The following CCL26 variants were observed in gnomAD, a reference collection of about 807,000 sequenced individuals.
CCL26 encodes the protein C-C motif chemokine 26.
In CCL26, 10 loss-of-function variants were observed where a neutral mutation model predicts 10.7. That is an observed-to-expected ratio of 0.93 (90% CI 0.57 to 1.58). CCL26 has a LOEUF of 1.58. Among genes scored for constraint, CCL26 ranks in the 40% most tolerant of loss-of-function variants. The pLI is 0.00. For missense variants in CCL26, 116 were observed against 111.0 expected (o/e 1.05, Z -0.20); for synonymous variants, 43 against 41.4 (o/e 1.04, Z -0.15).
chr7:75,789,777 T>C (rs1803282836), exon 1 of CCL26: 1 of 152,154 alleles, frequency 6.6e-6, no homozygotes, highest in Non-Finnish European at 1.5e-5. Context: ...AGCTTGCTAG[T>C]GCTGCTCCAG....
At chr7:75,785,674 CA>C (rs1803168465) in intron 1 of CCL26, among the ~76,000 whole-genome samples, 1 of 152,294 alleles carries the variant, frequency 6.6e-6, no homozygotes, top group South Asian at 2.1e-4. Context: ...GCCATCCTAA[CA>C]AAACCTTTAC....
upstream of CCL26, among the ~76,000 whole-genome samples, chr7:75,774,798 T>C (rs558562631): frequency 2.0e-5 from 3 of 152,124 alleles, no homozygotes; most frequent in African/African-American, 7.2e-5. Flanking sequence ...TGTGCACCTG[T>C]AGGCCCAGCT....
In CCL26 at chr7:75,772,179, T is replaced by G. The variant is rs782401047; in HGVS notation, c.-3A>C. Reference sequence around the variant, plus strand: ...GAGGCCAAGGAGAGGCCCATCATGATGCTGCAAATCAGGCCCTTCTCAGGT... The same window carrying G: ...GAGGCCAAGGAGAGGCCCATCATGAGGCTGCAAATCAGGCCCTTCTCAGGT... On this transcript the variant is annotated 5_prime_UTR_variant, in exon 1 of 3. Coordinates refer to ENST00000005180, the MANE Select transcript of CCL26 (RefSeq NM_001371938.1). The G allele has an allele frequency of 1.3e-6, 2 of 1,550,110 alleles. No individual in the cohort carries two copies. The highest frequency in any genetic ancestry group is 1.7e-6 in the Non-Finnish European group (2 of 1,146,512).
chr7:75,779,188 C>T (rs1314373943), intron 1 of CCL26, among the ~76,000 whole-genome samples: 7 of 152,090 alleles, frequency 4.6e-5, no homozygotes, highest in African/African-American at 1.7e-4. Flanking sequence ...TAAAACAGCC[C>T]CACCCCTATC....
In CCL26 at chr7:75,769,631, C is replaced by T. The variant is rs575422207; in HGVS notation, c.*62G>A. 2.9e-5 allele frequency: 32 copies of T among 1,107,144 alleles called. No individual in the cohort carries two copies. The East Asian group carries it at 5.9e-4, about 20-fold the overall frequency. The allele number at this position is 1,107,144 out of a possible 1,614,324, so 68.6% of individuals were successfully genotyped here. A position where few individuals can be genotyped will look rare whatever the true frequency, so the allele number is the denominator to read the frequency against. ...GCCTTCAGAAAAGATTCCGCAGGCT[C>T]CCCAGAGGGCTGCAGAGCCAAGAGC... On this transcript the variant is annotated 3_prime_UTR_variant, in exon 3 of 3. Coordinates refer to ENST00000005180, the MANE Select transcript of CCL26 (RefSeq NM_001371938.1).
chr7:75,773,411 A>G (rs1354808714), upstream of CCL26, among the ~76,000 whole-genome samples: 1 of 150,766 alleles, frequency 6.6e-6, no homozygotes, highest in Non-Finnish European at 1.5e-5. Flanking sequence ...GCGACAGACC[A>G]AGACTGTCTC....
intron 1 of CCL26, among the ~76,000 whole-genome samples, chr7:75,778,005 G>A (rs1802979671): frequency 6.6e-6 from 1 of 151,982 alleles, no homozygotes; most frequent in South Asian, 2.1e-4. Context: ...CAGGCATGAG[G>A]CACCAACCCC....
At chr7:75,778,282 C>T (rs1162635343) in intron 1 of CCL26, among the ~76,000 whole-genome samples, 3 of 152,208 alleles carry the variant, frequency 2.0e-5, no homozygotes, top group Middle Eastern at 3.4e-3. Context: ...AGGGCAGTGG[C>T]ACGATCATAG....
intron 1 of CCL26, among the ~76,000 whole-genome samples, chr7:75,787,917 C>A (rs1554530205): frequency 1.3e-5 from 2 of 152,022 alleles, no homozygotes; most frequent in African/African-American, 4.8e-5. Context: ...GCATCCGGGC[C>A]TTCACCAATC....
rs55889737 is a variant in CCL26 at position 75,781,173 on chromosome 7, C to T, written c.-79+8544G>A. Among the ~76,000 whole-genome samples the T allele has an allele frequency of 1.0e-3, 157 of 152,318 alleles. 2 individuals are homozygous for T. The highest frequency in any genetic ancestry group is 3.4e-3 in the Middle Eastern group (1 of 294). On this transcript the variant is annotated intron_variant, in intron 1 of 3. Transcript: ENST00000394905. ...TACATTTTATTACCCAATCCACTCC[C>T]GACATTAAATAAAACTCCAAAAATT...
chr7:75,772,268 C>G, upstream of CCL26: 2 of 899,864 alleles, frequency 2.2e-6, no homozygotes, highest in Non-Finnish European at 3.5e-6. Context: ...AAAACAATTC[C>G]AGAGAATTCT....
At chr7:75,789,534 C>G (rs539180573) in intron 1 of CCL26, among the ~76,000 whole-genome samples, 3 of 151,428 alleles carry the variant, frequency 2.0e-5, no homozygotes, top group Non-Finnish European at 4.4e-5. Context: ...ATGTCAGACC[C>G]CAGCTGTTTT....
rs782364518 is a variant in CCL26, at chr7:75,769,689, T to C, written c.*4A>G. 7 of 1,594,420 alleles carry C rather than the reference T, an allele frequency of 4.4e-6. No individual in the cohort carries two copies. Among genetic ancestry groups the C allele is most frequent in the Non-Finnish European group, 3.4e-6 (4 of 1,162,164 alleles). On this transcript the variant is annotated 3_prime_UTR_variant, in exon 3 of 3. Transcript: ENST00000005180. Reference sequence around the variant, plus strand: ...AAGCGTCCTCGGATGAAAATTCAGCTGAGTCACAATTGTTTCGGAGTTTTC... The same window carrying C: ...AAGCGTCCTCGGATGAAAATTCAGCCGAGTCACAATTGTTTCGGAGTTTTC...
chr7:75,773,672 T>C (rs1223828624), upstream of CCL26, among the ~76,000 whole-genome samples: 1 of 150,700 alleles, frequency 6.6e-6, no homozygotes, highest in Admixed American at 6.6e-5. Flanking sequence ...GGTCAGGAGG[T>C]TGAGATCAGC....
At chr7:75,785,879 G>A (rs1457981436) in intron 1 of CCL26, among the ~76,000 whole-genome samples, 1 of 152,106 alleles carries the variant, frequency 6.6e-6, no homozygotes, top group East Asian at 1.9e-4. Context: ...GACCGGGACC[G>A]CGCCCTGTAG....
At chr7:75,789,636 C>T (rs1440832957) in intron 1 of CCL26, 1 of 139,182 alleles carries the variant, frequency 7.2e-6, no homozygotes, top group Non-Finnish European at 1.6e-5. Context: ...TTGCCCCCCT[C>T]CCCACCACCA....
intron 1 of CCL26, among the ~76,000 whole-genome samples, chr7:75,788,033 CT>C (rs1402776091): frequency 2.6e-5 from 4 of 152,092 alleles, no homozygotes; most frequent in Non-Finnish European, 5.9e-5. Context: ...CATGCCGCCC[CT>C]AATCCTTCTC....
At chr7:75,783,537 C>T (rs534454128) in intron 1 of CCL26, among the ~76,000 whole-genome samples, 24 of 152,240 alleles carry the variant, frequency 1.6e-4, no homozygotes, top group Admixed American at 1.2e-3. Flanking sequence ...CGGTGGCTCA[C>T]GCTTGTAATC....
At position 75,769,593 on chromosome 7, in the gene CCL26, G is replaced by T. The variant is rs1585007384; in HGVS notation, c.*100C>A. 1.0e-5 allele frequency: 7 copies of T among 681,654 alleles called. No homozygotes were observed. The East Asian group carries it at 1.8e-4, about 18-fold the overall frequency. 42.2% of individuals were successfully genotyped at this position (681,654 alleles called of 1,614,324 possible). On this transcript the variant is annotated 3_prime_UTR_variant, in exon 3 of 3. Transcript: ENST00000005180. ...GGGAGGAAACACCCTCTCCTCCCCAGCGGGTCCATGTAGCCTTCAGAAAAG... is the reference window on the plus strand; with the variant it reads ...GGGAGGAAACACCCTCTCCTCCCCATCGGGTCCATGTAGCCTTCAGAAAAG...
Sources: gnomAD v4.1 joint callset for allele counts (sites outside exome capture counted in the v4.1 genomes callset) on GRCh38, gnomAD v4.1.1 for gene constraint, MANE v1.5 for transcripts, NCBI Gene and HGNC (gene_info 2026-07-23, HGNC 2026-07-21) for gene names.